MSI2: variants seen among roughly 807,000 people sequenced by gnomAD.
MSI2 encodes the protein RNA-binding protein Musashi homolog 2.
Under a neutral mutation model 45.6 loss-of-function variants are expected in MSI2, and 17 were observed. That is an observed-to-expected ratio of 0.37 (90% confidence interval 0.26 to 0.56). MSI2 has a LOEUF of 0.56. Ranked by LOEUF, MSI2 falls within the 20% of genes least tolerant of loss-of-function variation. The pLI, the probability that MSI2 is intolerant of heterozygous loss-of-function variation, is 0.77. For missense variants in MSI2, 293 were observed against 444.2 expected (o/e 0.66, Z 3.06); for synonymous variants, 156 against 158.2 (o/e 0.99, Z 0.11).
At chr17:57,672,065 CT>C (rs1157685056) in intron 11 of MSI2, among the ~76,000 whole-genome samples, 1 of 152,240 alleles carries the variant, frequency 6.6e-6, no homozygotes, top group African/African-American at 2.4e-5. Flanking sequence ...TGCTTATTGC[CT>C]GCTGGCTGCG....
chr17:57,394,301 C>T (rs556235499), intron 5 of MSI2, among the ~76,000 whole-genome samples: 16 of 152,228 alleles, frequency 1.1e-4, no homozygotes, highest in Middle Eastern at 3.4e-3. Flanking sequence ...TCACTCCATA[C>T]GCTGTTTGAT....
intron 6 of MSI2, among the ~76,000 whole-genome samples, chr17:57,412,867 C>G (rs1379339881): frequency 6.6e-6 from 1 of 152,212 alleles, no homozygotes; most frequent in Non-Finnish European, 1.5e-5. Flanking sequence ...TGTTTACTAG[C>G]TTGGTAACCT....
At chr17:57,398,617 C>T (rs35217691) in intron 5 of MSI2, among the ~76,000 whole-genome samples, 14,626 of 152,226 alleles carry the variant, frequency 0.096, 895 homozygotes, top group Non-Finnish European at 0.14. Flanking sequence ...AGTCTAGTAA[C>T]TGACTTTGGT....
chr17:57,273,787 A>G (rs1379011788), intron 5 of MSI2, among the ~76,000 whole-genome samples: 1 of 152,176 alleles, frequency 6.6e-6, no homozygotes, highest in African/African-American at 2.4e-5. Flanking sequence ...GGAAACAGTC[A>G]CCTGGGTCTT....
At chr17:57,358,769 A>G (rs1387649740) in intron 5 of MSI2, among the ~76,000 whole-genome samples, 1 of 152,194 alleles carries the variant, frequency 6.6e-6, no homozygotes, top group African/African-American at 2.4e-5. Context: ...TAACAGTTTT[A>G]TAGAAGTGTC....
chr17:57,333,210 A>G (rs1914410637), intron 5 of MSI2, among the ~76,000 whole-genome samples: 2 of 152,102 alleles, frequency 1.3e-5, no homozygotes, highest in African/African-American at 4.8e-5. Context: ...TGAGAATTAG[A>G]TGGGTTAGTT....
chr17:57,697,143 G>GACACACACACACATAC, the MSI2 span, among the ~76,000 whole-genome samples: 12 of 54,096 alleles, frequency 2.2e-4, no homozygotes, highest in Non-Finnish European at 3.4e-4. Context: ...TCGCCAGCAG[G>GACACACACACACATAC]ACACACACAC....
At chr17:57,641,691 G>A (rs1910275548) in intron 10 of MSI2, among the ~76,000 whole-genome samples, 2 of 152,092 alleles carry the variant, frequency 1.3e-5, no homozygotes, top group Non-Finnish European at 2.9e-5. Context: ...GGAAGAGGAG[G>A]GTGTGATTGG....
intron 5 of MSI2, among the ~76,000 whole-genome samples, chr17:57,344,987 C>G (rs556270767): frequency 6.6e-6 from 1 of 152,020 alleles, no homozygotes; most frequent in South Asian, 2.1e-4. Context: ...CACTTGAACC[C>G]GGGAGGTGGA....
chr17:57,323,042 G>A (rs74564136), intron 5 of MSI2, among the ~76,000 whole-genome samples: 4,291 of 152,010 alleles, frequency 0.028, 210 homozygotes, highest in African/African-American at 0.099. Flanking sequence ...TGTGTTGGTC[G>A]TGAGTGACCC....
At position 57,585,230 on chromosome 17, in the gene MSI2, A is replaced by G. The variant is rs374333886; in HGVS notation, c.455-11638A>G. Among the ~76,000 whole-genome samples the G allele has an allele frequency of 1.2e-4, 19 of 152,354 alleles. No homozygotes were observed. The East Asian group carries it at 3.1e-3, about 25-fold the overall frequency. On this transcript the variant is annotated intron_variant, in intron 7 of 13. Coordinates refer to ENST00000284073, the MANE Select transcript of MSI2 (RefSeq NM_138962.4). ...CCATCATGATAGTTGGTAAAGCACC[A>G]TGAACATCTGCCTTACAGACATGTC...
intron 7 of MSI2, among the ~76,000 whole-genome samples, chr17:57,536,719 TTGAC>T (rs995337243): frequency 6.6e-6 from 1 of 152,212 alleles, no homozygotes; most frequent in African/African-American, 2.4e-5. Flanking sequence ...TAGAAACCAC[TTGAC>T]AAGAAAGCGG....
chr17:57,512,250 T>A (rs946369928), intron 6 of MSI2, among the ~76,000 whole-genome samples: 29 of 152,154 alleles, frequency 1.9e-4, no homozygotes, highest in Admixed American at 6.5e-5. Context: ...CCTAATATGG[T>A]AAATATGAGT....
intron 5 of MSI2, among the ~76,000 whole-genome samples, chr17:57,344,453 G>A (rs1377959163): frequency 6.6e-6 from 1 of 152,206 alleles, no homozygotes; most frequent in Non-Finnish European, 1.5e-5. Context: ...ATAACAAGGT[G>A]TTCCAAGCTC....
intron 10 of MSI2, among the ~76,000 whole-genome samples, chr17:57,635,984 A>G (rs1909805747): frequency 6.6e-6 from 1 of 152,178 alleles, no homozygotes; most frequent in Non-Finnish European, 1.5e-5. Flanking sequence ...CATCACTCTA[A>G]AAGATACGTG....
intron 9 of MSI2, among the ~76,000 whole-genome samples, chr17:57,624,960 G>A (rs1307801610): frequency 6.6e-6 from 1 of 152,206 alleles, no homozygotes; most frequent in Non-Finnish European, 1.5e-5. Flanking sequence ...AGGCTGGGAA[G>A]TAAAGATCAA....
intron 11 of MSI2, among the ~76,000 whole-genome samples, chr17:57,666,356 A>G (rs1478002993): frequency 6.6e-6 from 1 of 152,226 alleles, no homozygotes; most frequent in Non-Finnish European, 1.5e-5. Flanking sequence ...TGTTCGGAGC[A>G]TGAAAAAAGA....
chr17:57,450,503 C>A (rs566894050), intron 6 of MSI2, among the ~76,000 whole-genome samples: 2 of 151,534 alleles, frequency 1.3e-5, no homozygotes, highest in Non-Finnish European at 2.9e-5. Context: ...ATGGTGAAAC[C>A]CTGTAAAAAT....
intron 5 of MSI2, among the ~76,000 whole-genome samples, chr17:57,329,773 C>A (rs1022175443): frequency 2.0e-5 from 3 of 152,322 alleles, no homozygotes; most frequent in African/African-American, 7.2e-5. Flanking sequence ...CAAATCAGAA[C>A]CCCTGTTTTC....
Sources: gnomAD v4.1 joint callset for allele counts (sites outside exome capture counted in the v4.1 genomes callset) on GRCh38, gnomAD v4.1.1 for gene constraint, MANE v1.5 for transcripts, NCBI Gene and HGNC (gene_info 2026-07-23, HGNC 2026-07-21) for gene names.